Variants in SLC9D1 observed in about 807,000 individuals in gnomAD.
The protein encoded by SLC9D1 is putative LAG1-interacting protein.
chr13:113,515,310 T>C, the SLC9D1 span, among the ~76,000 whole-genome samples: 5 of 152,328 alleles, frequency 3.3e-5, no homozygotes, highest in African/African-American at 1.2e-4. Context: ...TTCTGTAGCA[T>C]GGAGGGAAAG....
chr13:113,497,259 C>CTG, the SLC9D1 span, among the ~76,000 whole-genome samples: 1 of 150,064 alleles, frequency 6.7e-6, no homozygotes, highest in Non-Finnish European at 1.5e-5. Flanking sequence ...AGACCTGCAG[C>CTG]TATGTGAGAC....
the SLC9D1 span, among the ~76,000 whole-genome samples, chr13:113,546,438 G>A: frequency 1.3e-5 from 2 of 152,154 alleles, no homozygotes; most frequent in African/African-American, 4.8e-5. This position sits in a 1 kb window ranked among gnomAD's most constrained non-coding sequence, Gnocchi z 7.1. Flanking sequence ...CCCAGGAGGA[G>A]GGGCCGTGGC....
chr13:113,529,127 T>C, the SLC9D1 span: 2 of 152,272 alleles, frequency 1.3e-5, no homozygotes, highest in African/African-American at 2.4e-5. Context: ...ATTGTCTTAA[T>C]CAGAACACTT....
the SLC9D1 span, chr13:113,503,772 C>G: frequency 1.8e-6 from 1 of 563,458 alleles, no homozygotes; most frequent in East Asian, 2.9e-5. Context: ...GGTTTGAAAG[C>G]GTAGAAATTC....
At chr13:113,506,672 A>G in the SLC9D1 span, among the ~76,000 whole-genome samples, 1 of 152,150 alleles carries the variant, frequency 6.6e-6, no homozygotes, top group Admixed American at 6.5e-5. Context: ...CAGAGCGTCA[A>G]CAAGGCACTG....
chr13:113,519,234 T>C, the SLC9D1 span, among the ~76,000 whole-genome samples: 3 of 151,956 alleles, frequency 2.0e-5, no homozygotes, highest in Non-Finnish European at 4.4e-5. Flanking sequence ...TTAGAACAGA[T>C]GGGGTTTCAC....
At chr13:113,509,764 C>T in the SLC9D1 span, among the ~76,000 whole-genome samples, 5 of 152,286 alleles carry the variant, frequency 3.3e-5, no homozygotes, top group East Asian at 1.9e-4. Context: ...ACGATTGAAG[C>T]GTGCTTTCTT....
chr13:113,508,056 C>G, the SLC9D1 span, among the ~76,000 whole-genome samples: 29 of 152,262 alleles, frequency 1.9e-4, no homozygotes, highest in African/African-American at 5.3e-4. Context: ...GCTTCTTACT[C>G]TCACCTGTGC....
chr13:113,539,645 T>C, the SLC9D1 span: 6 of 938,320 alleles, frequency 6.4e-6, no homozygotes, highest in African/African-American at 6.6e-5. The surrounding 1 kb of genome is among the most constrained non-coding windows in gnomAD (Gnocchi z 4.8). Context: ...TATTTCAATT[T>C]GGATTGCTAG....
chr13:113,548,299 G>A, the SLC9D1 span: 3 of 1,613,840 alleles, frequency 1.9e-6, no homozygotes, highest in Non-Finnish European at 2.5e-6. Flanking sequence ...AACCGCTCTT[G>A]CAGTTTCTCC....
the SLC9D1 span, chr13:113,534,171 C>T: frequency 6.8e-6 from 11 of 1,613,868 alleles, no homozygotes; most frequent in African/African-American, 1.3e-4. Context: ...GGAAGCTGCA[C>T]ATGGAAAGCA....
At chr13:113,537,253 C>T in the SLC9D1 span, among the ~76,000 whole-genome samples, 8 of 152,216 alleles carry the variant, frequency 5.3e-5, no homozygotes, top group Non-Finnish European at 1.2e-4. Context: ...AGTCAGCCTT[C>T]AAAATGTTTT....
At chr13:113,544,656 A>G in the SLC9D1 span, among the ~76,000 whole-genome samples, 1 of 152,220 alleles carries the variant, frequency 6.6e-6, no homozygotes, top group East Asian at 1.9e-4. Flanking sequence ...GAAGTCCAAG[A>G]TCCAGGTGTC....
chr13:113,493,814 A>G, the SLC9D1 span, among the ~76,000 whole-genome samples: 1 of 152,224 alleles, frequency 6.6e-6, no homozygotes, highest in African/African-American at 2.4e-5. Flanking sequence ...CTAACACAGT[A>G]CTGTCTTCAG....
chr13:113,549,594 G>A, the SLC9D1 span: 3 of 1,611,060 alleles, frequency 1.9e-6, no homozygotes, highest in South Asian at 2.2e-5. Context: ...TGAGCGCTTA[G>A]ATGGCCAGCA....
At chr13:113,493,305 C>T in the SLC9D1 span, among the ~76,000 whole-genome samples, 594 of 152,266 alleles carry the variant, frequency 3.9e-3, 4 homozygotes, top group Admixed American at 9.1e-3. Context: ...AGCATAAAAT[C>T]CATCAAAGAA....
At chr13:113,522,331 TTTGTTG>T in the SLC9D1 span, among the ~76,000 whole-genome samples, 47 of 152,192 alleles carry the variant, frequency 3.1e-4, no homozygotes, top group Non-Finnish European at 4.6e-4. Context: ...GTAATTTTTC[TTTGTTG>T]TTGTTGTTGT....
At chr13:113,538,007 G>GTC in the SLC9D1 span, among the ~76,000 whole-genome samples, 61,521 of 150,054 alleles carry the variant, frequency 0.41, 13,740 homozygotes, top group African/African-American at 0.62. Context: ...GTGTACATGT[G>GTC]TGTGCTTTGT....
the SLC9D1 span, chr13:113,528,640 C>T: frequency 6.6e-6 from 1 of 152,184 alleles, no homozygotes; most frequent in Admixed American, 6.5e-5. Flanking sequence ...GAAAACCAGG[C>T]AGGGCACTTA....
Sources: allele counts gnomAD v4.1 joint callset (sites outside exome capture counted in the v4.1 genomes callset), GRCh38; gene constraint gnomAD v4.1.1; non-coding constraint Gnocchi (gnomAD v3.1); transcripts MANE v1.5; gene names NCBI Gene and HGNC (gene_info 2026-07-23, HGNC 2026-07-21).